KCNIP4: variants seen among roughly 807,000 people sequenced by gnomAD.
The protein encoded by KCNIP4 is potassium voltage-gated channel interacting protein 4, also known as Kv channel-interacting protein 4.
In KCNIP4, 12 loss-of-function variants were observed where a neutral mutation model predicts 34.0. The ratio of observed to expected loss-of-function variants is 0.35; its 90% CI spans 0.23 to 0.57. The LOEUF (loss-of-function observed/expected upper bound fraction) is 0.57, where lower values mean the gene tolerates loss of function less well. KCNIP4 is among the 20% of genes least tolerant of loss of function. KCNIP4 has a pLI of 0.83. For synonymous variants in KCNIP4, 124 were observed against 102.2 expected, an observed-to-expected ratio of 1.21 and a Z score of -1.29; for missense variants, 238 against 311.7, an observed-to-expected ratio of 0.76 and a Z score of 1.78.
chr4:21,347,747 AT>A, intron 1 of KCNIP4, among the ~76,000 whole-genome samples: 1 of 152,164 alleles, frequency 6.6e-6, no homozygotes, highest in East Asian at 1.9e-4. Context: ...ATGTGACAGC[AT>A]TTTCCCCCTT....
intron 1 of KCNIP4, among the ~76,000 whole-genome samples, chr4:21,713,145 C>A (rs996070541): frequency 1.3e-5 from 2 of 152,146 alleles, no homozygotes; most frequent in Non-Finnish European, 2.9e-5. Context: ...ATAAGGTCTA[C>A]CTAATGGACC....
At chr4:21,511,128 C>G (rs16871292) in intron 1 of KCNIP4, among the ~76,000 whole-genome samples, 10,976 of 152,160 alleles carry the variant, frequency 0.072, 1,206 homozygotes, top group African/African-American at 0.24. Flanking sequence ...TCATACTCTT[C>G]TCTCCTTAAA....
intron 1 of KCNIP4, among the ~76,000 whole-genome samples, chr4:21,002,293 T>C (rs1343093955): frequency 2.6e-5 from 4 of 152,222 alleles, no homozygotes; most frequent in Non-Finnish European, 5.9e-5. Context: ...TCTGAAAGCT[T>C]TGAATATGAC....
chr4:21,769,138 T>A (rs1042943730), intron 1 of KCNIP4, among the ~76,000 whole-genome samples: 19 of 151,938 alleles, frequency 1.3e-4, no homozygotes, highest in Admixed American at 5.2e-4. Flanking sequence ...AAAGTGCTAC[T>A]CTCTCCACAC....
chr4:20,870,329 C>T (rs541362535), intron 2 of KCNIP4, among the ~76,000 whole-genome samples: 4 of 152,154 alleles, frequency 2.6e-5, no homozygotes, highest in African/African-American at 9.6e-5. Flanking sequence ...CTCTGTCTCT[C>T]CCACTCCACC....
At chr4:21,308,044 T>G (rs1712683512) in intron 1 of KCNIP4, among the ~76,000 whole-genome samples, 1 of 152,212 alleles carries the variant, frequency 6.6e-6, no homozygotes, top group Admixed American at 6.5e-5. Context: ...TAAGTAAAGT[T>G]ACTTAACTAC....
At chr4:21,504,520 A>C (rs943480382) in intron 1 of KCNIP4, among the ~76,000 whole-genome samples, 34 of 144,454 alleles carry the variant, frequency 2.4e-4, no homozygotes, top group African/African-American at 4.1e-4. Context: ...AGGAAGGAAG[A>C]AAGCAAGCAA....
intron 1 of KCNIP4, among the ~76,000 whole-genome samples, chr4:21,811,403 T>A (rs775443562): frequency 2.6e-5 from 4 of 152,222 alleles, no homozygotes; most frequent in African/African-American, 9.6e-5. Context: ...CCATAGTTCA[T>A]GTCTAAAAGA....
intron 1 of KCNIP4, among the ~76,000 whole-genome samples, chr4:21,245,640 G>A (rs1331722406): frequency 6.6e-6 from 1 of 152,154 alleles, no homozygotes; most frequent in African/African-American, 2.4e-5. Flanking sequence ...AAGGTCAAAT[G>A]AGAAGAAGTG....
intron 1 of KCNIP4, among the ~76,000 whole-genome samples, chr4:21,779,955 T>C (rs560324231): frequency 1.9e-4 from 29 of 151,454 alleles, no homozygotes; most frequent in Non-Finnish European, 2.2e-4. Flanking sequence ...AGGAAGAATA[T>C]TATTGAAAAA....
At chr4:20,919,407 T>TAG (rs1553915840) in intron 1 of KCNIP4, among the ~76,000 whole-genome samples, 1 of 148,474 alleles carries the variant, frequency 6.7e-6, no homozygotes, top group Non-Finnish European at 1.5e-5. Flanking sequence ...TTTTCCACAT[T>TAG]AAAAAAAAAA....
At chr4:21,471,235 T>G (rs1730444384) in intron 1 of KCNIP4, among the ~76,000 whole-genome samples, 2 of 152,146 alleles carry the variant, frequency 1.3e-5, no homozygotes, top group Admixed American at 6.6e-5. Context: ...AGGAAAAACT[T>G]TTGCCCTAGG....
intron 1 of KCNIP4, among the ~76,000 whole-genome samples, chr4:21,250,754 T>C (rs78982461): frequency 0.011 from 1,633 of 152,118 alleles, 26 homozygotes; most frequent in African/African-American, 0.036. Flanking sequence ...ACAACTACCC[T>C]AGGAGATCTG....
intron 1 of KCNIP4, among the ~76,000 whole-genome samples, chr4:21,159,236 A>G (rs1753393801): frequency 6.6e-6 from 1 of 152,214 alleles, no homozygotes; most frequent in African/African-American, 2.4e-5. Context: ...AATTATTAAT[A>G]TAGTGTGTGT....
At chr4:21,185,788 A>T (rs1008302788) in intron 1 of KCNIP4, among the ~76,000 whole-genome samples, 2 of 152,178 alleles carry the variant, frequency 1.3e-5, no homozygotes, top group Non-Finnish European at 2.9e-5. Context: ...ATCCATTTCC[A>T]TAATTGGCAA....
chr4:21,886,463 C>G (rs927648612), intron 1 of KCNIP4, among the ~76,000 whole-genome samples: 3 of 152,138 alleles, frequency 2.0e-5, no homozygotes, highest in Non-Finnish European at 4.4e-5. Flanking sequence ...CTAAAATGTA[C>G]TGCCCCTCTT....
At chr4:21,023,983 A>G (rs921955604) in intron 1 of KCNIP4, among the ~76,000 whole-genome samples, 4 of 152,204 alleles carry the variant, frequency 2.6e-5, no homozygotes, top group Non-Finnish European at 5.9e-5. Flanking sequence ...GAAGCATGCA[A>G]AGAAATTGGA....
intron 1 of KCNIP4, among the ~76,000 whole-genome samples, chr4:21,331,080 G>C (rs974203074): frequency 2.6e-5 from 4 of 152,084 alleles, no homozygotes; most frequent in African/African-American, 9.7e-5. Context: ...GTAAGACACT[G>C]TGTCCTCTTC....
At chr4:21,253,094 A>G (rs919252867) in intron 1 of KCNIP4, among the ~76,000 whole-genome samples, 1 of 152,186 alleles carries the variant, frequency 6.6e-6, no homozygotes, top group Non-Finnish European at 1.5e-5. Flanking sequence ...TGTGACATCA[A>G]TGAGTGTTTC....
Sources: gnomAD v4.1 joint callset for allele counts (sites outside exome capture counted in the v4.1 genomes callset) on GRCh38, gnomAD v4.1.1 for gene constraint, MANE v1.5 for transcripts, NCBI Gene and HGNC (gene_info 2026-07-23, HGNC 2026-07-21) for gene names.